MRC2: variants seen among roughly 807,000 people sequenced by gnomAD.
MRC2 encodes the protein C-type mannose receptor 2.
MRC2 carries 84 observed loss-of-function variants against 206.2 expected under a neutral mutation model. The observed-to-expected ratio is 0.41, with a 90% CI of 0.34 to 0.49. The LOEUF is 0.49. MRC2 is among the 20% of genes least tolerant of loss of function. The pLI is 0.31. For missense variants in MRC2, 1,676 were observed against 2,001.5 expected, an observed-to-expected ratio of 0.84 and a Z score of 3.10; for synonymous variants, 798 against 800.0, an observed-to-expected ratio of 1.00 and a Z score of 0.04.
chr17:62,659,949 T>C (rs185682335), intron 1 of MRC2, among the ~76,000 whole-genome samples: 27 of 152,340 alleles, frequency 1.8e-4, no homozygotes, highest in African/African-American at 5.8e-4. Context: ...AGCATCACTG[T>C]GTGTCAGGCA....
intron 1 of MRC2, among the ~76,000 whole-genome samples, chr17:62,639,712 A>T (rs1293454037): frequency 1.3e-5 from 2 of 151,610 alleles, no homozygotes; most frequent in Non-Finnish European, 2.9e-5. Context: ...ACAGCCTCAA[A>T]CTCCTGGGCT....
intron 1 of MRC2, among the ~76,000 whole-genome samples, chr17:62,649,458 G>A (rs2088529031): frequency 6.6e-6 from 1 of 152,194 alleles, no homozygotes; most frequent in Non-Finnish European, 1.5e-5. Flanking sequence ...AGGCATGGTG[G>A]TGGGCGCCTG....
In MRC2 at chr17:62,690,235, G is replaced by A. The variant is rs1468203776; in HGVS notation, c.3822G>A (p.Arg1274=). ...CAGACTCCGCGTGGATTCCCTTCCG[G>A]GAGCACTGCTATTCTTTCCACATGG... ...GLADSAWIPF[R]EHCYSFHMEL... Residue 1274 remains arginine, a synonymous_variant, in exon 26 of 30, where the codon CGG becomes CGA. Transcript: ENST00000303375. 1 of 1,613,484 alleles carries A rather than the reference G, an allele frequency of 6.2e-7. No homozygotes were observed. The highest frequency in any genetic ancestry group is 1.3e-5 in the African/African-American group (1 of 75,066).
intron 1 of MRC2, among the ~76,000 whole-genome samples, chr17:62,637,090 C>T (rs957181076): frequency 7.9e-5 from 12 of 151,834 alleles, no homozygotes; most frequent in African/African-American, 2.4e-4. Flanking sequence ...CTGCTAGGCT[C>T]GGTGACTCAT....
Position 62,667,665 on chromosome 17 carries a change from T to G in MRC2, c.1117+132T>G, listed in dbSNP as rs991049462. ...AAGGGGACTCTGGATCCTCTGACTC[T>G]TATTTCATTGTTCAGTTAAAGTCTG... On this transcript the variant is annotated intron_variant, in intron 6 of 29. Transcript: ENST00000303375. The surrounding 1 kb of genome is among the most constrained non-coding windows in gnomAD (Gnocchi z 4.1). The G allele has an allele frequency of 1.0e-6, 1 of 994,770 alleles. No individual in the cohort carries two copies. The highest frequency in any genetic ancestry group is 3.7e-5 in the Admixed American group (1 of 27,266). The allele number at this position is 994,770 out of a possible 1,614,324, so 61.6% of individuals were successfully genotyped here.
Position 62,692,581 on chromosome 17 carries a change from C to G in MRC2, c.*130C>G. ...TGCCCTTGGGAGTCGCTGTTGGGAG[C>G]CGGAGCTGGGCAGAGCCTGGGCTGG... On this transcript the variant is annotated 3_prime_UTR_variant, in exon 30 of 30. Coordinates refer to ENST00000303375, the MANE Select transcript of MRC2 (RefSeq NM_006039.5). This position sits in a 1 kb window ranked among gnomAD's most constrained non-coding sequence, Gnocchi z 4.2. The G allele has an allele frequency of 6.2e-6, 6 of 971,286 alleles. No individual in the cohort carries two copies. Among genetic ancestry groups the G allele is most frequent in the Non-Finnish European group, 9.1e-6 (6 of 661,972 alleles). The allele number at this position is 971,286 out of a possible 1,614,324, so 60.2% of individuals were successfully genotyped here.
At chr17:62,636,250 CA>C (rs11363983) in intron 1 of MRC2, among the ~76,000 whole-genome samples, 90,807 of 136,698 alleles carry the variant, frequency 0.66, 29,236 homozygotes, top group East Asian at 0.81. Context: ...GACCCTGTCG[CA>C]AAAAAAAAAA....
chr17:62,654,480 T>C (rs1213710543), intron 1 of MRC2, among the ~76,000 whole-genome samples: 6 of 152,056 alleles, frequency 3.9e-5, no homozygotes, highest in African/African-American at 1.4e-4. Context: ...TAGAATTAAC[T>C]TCTCATCTGC....
intron 10 of MRC2, 29 bp from the exon 11 acceptor site, chr17:62,676,354 C>A (rs1407558567): frequency 1.2e-6 from 2 of 1,611,980 alleles, no homozygotes; most frequent in Non-Finnish European, 8.5e-7. Flanking sequence ...GCAGGGAGAT[C>A]CCTGCCCTGA....
Position 62,675,794 on chromosome 17 carries a change from G to A in MRC2, c.1574G>A (p.Trp525Ter), listed in dbSNP as rs1427397549. ...TTCTGTCCACTCTTGAGCCAGGGTT[G>A]GACGTGGCACAGCCCATCCTGCTAC... ...AEEDHGCRKG[W>*]TWHSPSCYWL... The change falls in exon 10 of 30, where the codon TGG becomes TAG. Residue 525 changes from tryptophan to a stop codon, truncating the protein, a stop_gained. Transcript: ENST00000303375. LOFTEE classifies it high-confidence loss of function. The surrounding 1 kb of genome is among the most constrained non-coding windows in gnomAD (Gnocchi z 4.1). 6.2e-7 allele frequency: 1 copy of A among 1,613,926 alleles called. No homozygotes were observed. The highest frequency in any genetic ancestry group is 8.5e-7 in the Non-Finnish European group (1 of 1,179,782).
At position 62,676,428 on chromosome 17, in the gene MRC2, C is replaced by G; in HGVS notation, c.1731C>G (p.Gly577=). ...GCAGCCTCATCTACAACTGGGAGGG[C>G]GAGTACTTCTGGACGGCCCTGCAGG... is the stretch of plus-strand genomic sequence containing the variant. The part of the protein sequence containing the change: ...FVSSLIYNWE[G]EYFWTALQDL... The change falls in exon 11 of 30, where the codon GGC becomes GGG. Residue 577 remains glycine, a synonymous_variant. Transcript: ENST00000303375. The G allele has an allele frequency of 6.2e-7, 1 of 1,614,042 alleles. No homozygotes were observed. Among genetic ancestry groups the G allele is most frequent in the Non-Finnish European group, 8.5e-7 (1 of 1,179,962 alleles).
At chr17:62,662,627 C>T (rs1663085696) in intron 1 of MRC2, among the ~76,000 whole-genome samples, 1 of 151,892 alleles carries the variant, frequency 6.6e-6, no homozygotes, top group Non-Finnish European at 1.5e-5. Flanking sequence ...GAAGCACTAG[C>T]TGCCGGGCAC....
intron 20 of MRC2, among the ~76,000 whole-genome samples, chr17:62,686,441 A>G (rs1180629537): frequency 8.3e-6 from 1 of 120,010 alleles, no homozygotes; most frequent in Non-Finnish European, 1.8e-5. Flanking sequence ...CAACAAAGCA[A>G]GACTCCATCT....
In MRC2 at chr17:62,674,116, G is replaced by A; in HGVS notation, c.1515G>A (p.Lys505=). 1 of 1,556,464 alleles carries A rather than the reference G, an allele frequency of 6.4e-7. No homozygotes were observed. The highest frequency in any genetic ancestry group is 8.7e-7 in the Non-Finnish European group (1 of 1,149,772). Residue 505 remains lysine (K), a synonymous_variant, in exon 9 of 30, where the codon AAG becomes AAA. Coordinates refer to ENST00000303375, the MANE Select transcript of MRC2 (RefSeq NM_006039.5). ...PCNQSLPSIC[K]KAGQLSQGAA... ...ACCAGTCCTTGCCATCCATCTGCAA[G>A]AAGGCAGGCCAGCTGAGCCAGGGGG...
chr17:62,645,402 T>C (rs1399478194), intron 1 of MRC2, among the ~76,000 whole-genome samples: 1 of 149,652 alleles, frequency 6.7e-6, no homozygotes, highest in Non-Finnish European at 1.5e-5. Flanking sequence ...TATACATTCA[T>C]CTCAAAAATA....
At chr17:62,628,269 A>T (rs1467593293) in intron 1 of MRC2, among the ~76,000 whole-genome samples, 1 of 151,950 alleles carries the variant, frequency 6.6e-6, no homozygotes, top group Non-Finnish European at 1.5e-5. Flanking sequence ...CGTCCTCGGC[A>T]GGGGACCTGC....
chr17:62,642,881 A>G (rs2088424180), intron 1 of MRC2, among the ~76,000 whole-genome samples: 1 of 152,220 alleles, frequency 6.6e-6, no homozygotes, highest in Non-Finnish European at 1.5e-5. Context: ...CCAAATGCCC[A>G]TCAGCGATAG....
chr17:62,628,308 TGTCCGGGAGTTCCCG>T (rs2084186925), intron 1 of MRC2, among the ~76,000 whole-genome samples: 1 of 152,164 alleles, frequency 6.6e-6, no homozygotes, highest in Non-Finnish European at 1.5e-5. Context: ...CAGGGCTCTC[TGTCCGGGAGTTCCCG>T]GGCCCAGTCT....
intron 1 of MRC2, among the ~76,000 whole-genome samples, chr17:62,655,324 G>A (rs2088604724): frequency 6.7e-6 from 1 of 150,280 alleles, no homozygotes; most frequent in Admixed American, 6.7e-5. Flanking sequence ...GGTAGATCAC[G>A]AGGTCAGGAG....
Sources: gnomAD v4.1 joint callset for allele counts (sites outside exome capture counted in the v4.1 genomes callset) on GRCh38, gnomAD v4.1.1 for gene constraint, Gnocchi (gnomAD v3.1) non-coding constraint, MANE v1.5 for transcripts, NCBI Gene and HGNC (gene_info 2026-07-23, HGNC 2026-07-21) for gene names.